Variants in NID1 observed in about 807,000 individuals in gnomAD.
The protein encoded by NID1 is nidogen-1.
A neutral mutation model predicts 130.6 loss-of-function variants in NID1; 76 were observed. The observed-to-expected ratio is 0.58, with a 90% CI of 0.48 to 0.70. The LOEUF (loss-of-function observed/expected upper bound fraction) is 0.70, where lower values mean the gene tolerates loss of function less well. Ranked by LOEUF, NID1 falls within the 30% of genes least tolerant of loss-of-function variation. The probability of loss-of-function intolerance (pLI) is 0.00; values close to 1 mark genes in which losing one functional copy is unlikely to be tolerated. For synonymous variants in NID1, 665 were observed against 675.1 expected (o/e 0.98, Z 0.23); for missense variants, 1,517 against 1,664.8 (o/e 0.91, Z 1.54).
chr1:236,014,248 T>C (rs574899403), intron 10 of NID1, among the ~76,000 whole-genome samples: 2 of 143,992 alleles, frequency 1.4e-5, no homozygotes, highest in South Asian at 4.8e-4. Context: ...TCTGTCTGTC[T>C]GCACTTAAGG....
At chr1:236,021,055 T>TTACTTCC (rs1558435793) in intron 9 of NID1, among the ~76,000 whole-genome samples, 8 of 152,030 alleles carry the variant, frequency 5.3e-5, no homozygotes, top group Non-Finnish European at 1.2e-4. Flanking sequence ...GGGTTACTTC[T>TTACTTCC]GCACCTTATT....
chr1:236,054,320 G>T (rs187333101), intron 1 of NID1, among the ~76,000 whole-genome samples: 1 of 152,268 alleles, frequency 6.6e-6, no homozygotes, highest in East Asian at 1.9e-4. Flanking sequence ...GCTGGGTGAG[G>T]TAGCAGGTGC....
At chr1:236,008,613 G>T (rs2102813684) in intron 12 of NID1, among the ~76,000 whole-genome samples, 1 of 151,822 alleles carries the variant, frequency 6.6e-6, no homozygotes, top group Non-Finnish European at 1.5e-5. Context: ...CTATTCTCCT[G>T]CCTCAACCTC....
chr1:236,064,646 C>T (rs375370387), intron 1 of NID1: 8 of 612,966 alleles, frequency 1.3e-5, no homozygotes, highest in East Asian at 1.1e-4. Context: ...CCACCCAGAC[C>T]CCGCGACCCG....
At chr1:236,010,552 G>A (rs896781004) in intron 12 of NID1, among the ~76,000 whole-genome samples, 2 of 152,064 alleles carry the variant, frequency 1.3e-5, no homozygotes, top group Admixed American at 6.6e-5. Flanking sequence ...TGTCCACCTC[G>A]ATCTCCCAAA....
chr1:236,023,963 T>G, intron 9 of NID1, 107 bp downstream of exon 9: 2 of 1,429,522 alleles, frequency 1.4e-6, no homozygotes, highest in South Asian at 2.6e-5. Flanking sequence ...CCAGTATTTA[T>G]CTCATCCGTG....
intron 6 of NID1, among the ~76,000 whole-genome samples, chr1:236,031,119 T>G (rs1558440106): frequency 6.6e-6 from 1 of 151,286 alleles, no homozygotes; most frequent in African/African-American, 2.4e-5. Context: ...TCTTTTTTTC[T>G]TTTTTTCTTT....
chr1:235,989,355 A>G (rs1657663378), intron 14 of NID1, among the ~76,000 whole-genome samples: 1 of 152,210 alleles, frequency 6.6e-6, no homozygotes, highest in African/African-American at 2.4e-5. Context: ...CAGGGAATTT[A>G]ACCCATTCCT....
In NID1 at chr1:236,026,091, C is replaced by T. The variant is rs1251915490; in HGVS notation, c.1789G>A (p.Asp597Asn). 6.2e-7 allele frequency: 1 copy of T among 1,613,534 alleles called. No homozygotes were observed. Among genetic ancestry groups the T allele is most frequent in the Non-Finnish European group, 8.5e-7 (1 of 1,179,838 alleles). Residue 597 changes from aspartate to asparagine, a missense_variant, in exon 8 of 20, where the codon GAT (aspartate) becomes AAT (asparagine). Coordinates refer to ENST00000264187, the MANE Select transcript of NID1 (RefSeq NM_002508.3). ...TAGATGCGTGAAGGAGATGCCCCAT[C>T]TCGCTCGGGCTCAGTCACCGTGTAC... ...REYTVTEPER[D>N]GASPSRIYTY...
chr1:236,002,234 G>A (rs1021984874), intron 12 of NID1, among the ~76,000 whole-genome samples: 4 of 152,200 alleles, frequency 2.6e-5, no homozygotes, highest in Non-Finnish European at 5.9e-5. Flanking sequence ...TGGGCGCGGT[G>A]GCTCACGCCT....
chr1:236,064,804 C>A, intron 1 of NID1, 51 bp downstream of exon 1: 1 of 1,534,410 alleles, frequency 6.5e-7, no homozygotes, highest in South Asian at 1.2e-5. Context: ...CGGGCGCCCC[C>A]GGCCCGCCGC....
In NID1 at chr1:235,993,716, T is replaced by C. The variant is rs1657832161; in HGVS notation, c.2684A>G (p.Tyr895Cys). ...APTQCHGSTG[Y>C]CWCVDRDGRE... ...GCCGTCGCGATCCACGCACCAGCAG[T>C]AGCCGGTGCTGCCGTGGCACTGGGT... Residue 895 changes from tyrosine to cysteine, a missense_variant, in exon 13 of 20, where the codon TAC (tyrosine) becomes TGC (cysteine). This residue lies in a region of NID1 where 1,329 missense variants were observed against 1,429.2 expected (regional missense o/e 0.93). Transcript: ENST00000264187. 1.2e-6 allele frequency: 2 copies of C among 1,610,360 alleles called. No homozygotes were observed. The highest frequency in any genetic ancestry group is 1.3e-5 in the African/African-American group (1 of 74,848).
intron 2 of NID1, among the ~76,000 whole-genome samples, 173 bp downstream of exon 2, chr1:236,048,517 A>G (rs1450814857): frequency 6.6e-6 from 1 of 152,068 alleles, no homozygotes; most frequent in Non-Finnish European, 1.5e-5. Context: ...AACCTTGCAG[A>G]TAAGCTTTTG....
In NID1 at chr1:236,032,437, C is replaced by T; in HGVS notation, c.1501G>A (p.Glu501Lys). The change falls in exon 6 of 20, where the codon GAG becomes AAG. Residue 501 changes from glutamate (E) to lysine (K), a missense_variant. Transcript: ENST00000264187. The stretch of plus-strand genomic sequence containing the variant: ...AACCCATTCTTGAATCCGTCCTGCT[C>T]CACTGCAAACATCCATCCAATGATG... Reference protein sequence around the residue: ...GGIIGWMFAVEQDGFKNGFSI... With the variant: ...GGIIGWMFAVKQDGFKNGFSI... The T allele has an allele frequency of 6.2e-7, 1 of 1,614,088 alleles. No homozygotes were observed. The highest frequency in any genetic ancestry group is 8.5e-7 in the Non-Finnish European group (1 of 1,180,026).
In NID1 at chr1:236,046,723, C is replaced by G. The variant is rs373378520; in HGVS notation, c.526-1040G>C. On this transcript the variant is annotated intron_variant, in intron 2 of 19. Coordinates refer to ENST00000264187, the MANE Select transcript of NID1 (RefSeq NM_002508.3). Reference sequence around the variant, plus strand: ...CAAGAGGCAAGCAAGGGATCCATACCAATGGGTTAGGCATTTATCACCCAA... The same window carrying G: ...CAAGAGGCAAGCAAGGGATCCATACGAATGGGTTAGGCATTTATCACCCAA... Among the ~76,000 whole-genome samples, 7 of 148,576 alleles carry G rather than the reference C, an allele frequency of 4.7e-5. No individual in the cohort carries two copies. In the East Asian group the frequency reaches 1.4e-3, roughly 30 times the overall value.
rs566395462 is a variant in NID1 at position 236,001,775 on chromosome 1, G to T, written c.2528-7903C>A. Among the ~76,000 whole-genome samples, 62 of 152,314 alleles carry T rather than the reference G, an allele frequency of 4.1e-4. 1 individual carries two copies. In the Middle Eastern group the frequency reaches 0.01, roughly 25 times the overall value. On this transcript the variant is annotated intron_variant, in intron 12 of 19. Coordinates refer to ENST00000264187, the MANE Select transcript of NID1 (RefSeq NM_002508.3). Reference sequence around the variant, plus strand: ...GGGAAAACAGAAAGGTCGTAAACCAGCATGGAAGAGAGCTTGCACTCCTCC... The same window carrying T: ...GGGAAAACAGAAAGGTCGTAAACCATCATGGAAGAGAGCTTGCACTCCTCC...
intron 11 of NID1, 132 bp downstream of exon 11, chr1:236,013,279 C>T: frequency 1.0e-6 from 1 of 984,302 alleles, no homozygotes; most frequent in East Asian, 2.4e-5. Context: ...AAAAGCAACA[C>T]ATTTACTCTG....
chr1:236,019,145 C>T (rs369343957), intron 9 of NID1, among the ~76,000 whole-genome samples: 3 of 152,238 alleles, frequency 2.0e-5, no homozygotes, highest in East Asian at 1.9e-4. Context: ...GGAACAAAGC[C>T]CCTCCCAAAG....
chr1:236,011,793 G>A (rs1658432568), intron 12 of NID1, 128 bp downstream of exon 12: 1 of 1,365,860 alleles, frequency 7.3e-7, no homozygotes, highest in African/African-American at 1.5e-5. Flanking sequence ...AACGGGCCAT[G>A]TGCTCTGGAT....
Sources: allele counts gnomAD v4.1 joint callset (sites outside exome capture counted in the v4.1 genomes callset), GRCh38; gene constraint gnomAD v4.1.1; regional missense constraint gnomAD v4.1.1; transcripts MANE v1.5; gene names NCBI Gene and HGNC (gene_info 2026-07-23, HGNC 2026-07-21).